Variants in REXO2 observed in about 807,000 individuals in gnomAD.
The protein encoded by REXO2 is RNA exonuclease 2, also known as oligoribonuclease, mitochondrial.
In REXO2, 17 loss-of-function variants were observed where a neutral mutation model predicts 30.9. That is an observed-to-expected ratio of 0.55 (90% CI 0.38 to 0.82). REXO2 has a LOEUF of 0.82. Ranked by LOEUF, REXO2 falls within the 40% of genes least tolerant of loss-of-function variation. The probability of loss-of-function intolerance (pLI) is 0.00; values close to 1 mark genes in which losing one functional copy is unlikely to be tolerated. For synonymous variants in REXO2, 105 were observed against 99.6 expected, an observed-to-expected ratio of 1.05 and a Z score of -0.32; for missense variants, 253 against 293.2, an observed-to-expected ratio of 0.86 and a Z score of 1.00.
At chr11:114,441,796 C>T (rs1946480146) in intron 2 of REXO2, 1 of 701,876 alleles carries the variant, frequency 1.4e-6, no homozygotes, top group Admixed American at 2.0e-5. Flanking sequence ...TTGTGGAGTA[C>T]CAGGCTTATC....
At position 114,439,475 on chromosome 11, in the gene REXO2, C is replaced by T; in HGVS notation, c.-54C>T. 1.9e-6 allele frequency: 3 copies of T among 1,588,366 alleles called. No individual in the cohort carries two copies. Among genetic ancestry groups the T allele is most frequent in the South Asian group, 1.1e-5 (1 of 89,426 alleles). On this transcript the variant is annotated 5_prime_UTR_variant, in exon 1 of 7. Transcript: ENST00000265881. ...GGTTTGCGACGTTTAGCGACTATTG[C>T]GCCTGCGCCAGCGCCGGCTGCGAGA...
At chr11:114,448,429 A>G (rs4938106) in intron 6 of REXO2, among the ~76,000 whole-genome samples, 12,764 of 152,194 alleles carry the variant, frequency 0.084, 663 homozygotes, top group South Asian at 0.22. Context: ...GCTGGCTTCT[A>G]AGGGTAGCAT....
chr11:114,445,924 T>C lies in REXO2; in HGVS notation c.422-55T>C, dbSNP rs1311936643. On this transcript the variant is annotated intron_variant, in intron 4 of 6. Coordinates refer to ENST00000265881, the MANE Select transcript of REXO2 (RefSeq NM_015523.4). ...CAAATACAACTTATGAATTTTGATA[T>C]CCTGTTGTATAATACTAGAAATATA... is the stretch of plus-strand genomic sequence containing the variant. The C allele has an allele frequency of 9.8e-6, 9 of 915,108 alleles. No homozygotes were observed. In the East Asian group the frequency reaches 2.2e-4, roughly 23 times the overall value. The allele number at this position is 915,108 out of a possible 1,614,324, so 56.7% of individuals were successfully genotyped here.
At chr11:114,446,423 CAT>C (rs777382497) in intron 5 of REXO2, 11 of 175,842 alleles carry the variant, frequency 6.3e-5, no homozygotes, top group South Asian at 5.4e-4. Flanking sequence ...AGTGGATCGA[CAT>C]ATGTGTAAAA....
chr11:114,445,072 T>G (rs1389021063), intron 4 of REXO2: 1 of 152,638 alleles, frequency 6.6e-6, no homozygotes, highest in African/African-American at 2.4e-5. Flanking sequence ...CATTTTCTTA[T>G]GTAATACAAT....
Position 114,444,643 on chromosome 11 carries a change from C to A in REXO2, c.412C>A (p.Pro138Thr). The change falls in exon 4 of 7, where the codon CCA (proline) becomes ACA (threonine). Residue 138 changes from proline (P) to threonine (T), a missense_variant. Transcript: ENST00000265881. ...VRQQTPPGLCPLAGNSVHEDK... is the reference protein window; with the variant it reads ...VRQQTPPGLCTLAGNSVHEDK... Reference sequence around the variant, plus strand: ...ACAGCAGACTCCTCCAGGGCTCTGTCCACTTGCAGGTAAAATCCAATCCTG... The same window carrying A: ...ACAGCAGACTCCTCCAGGGCTCTGTACACTTGCAGGTAAAATCCAATCCTG... 6.3e-7 allele frequency: 1 copy of A among 1,578,812 alleles called. No individual in the cohort carries two copies. Among genetic ancestry groups the A allele is most frequent in the Non-Finnish European group, 8.6e-7 (1 of 1,165,484 alleles).
intron 6 of REXO2, among the ~76,000 whole-genome samples, chr11:114,448,153 G>A (rs1946521117): frequency 6.6e-6 from 1 of 152,134 alleles, no homozygotes; most frequent in African/African-American, 2.4e-5. Flanking sequence ...TTCTAGTAAT[G>A]AACCGTGTTA....
chr11:114,444,385 T>G (rs777295279), intron 3 of REXO2, 156 bp from the exon 4 acceptor site: 1 of 660,540 alleles, frequency 1.5e-6, no homozygotes, highest in Non-Finnish European at 2.7e-6. Flanking sequence ...AAAAAAATGG[T>G]GCAAAGATGG....
chr11:114,441,834 C>T lies in REXO2; in HGVS notation c.231+1095C>T, dbSNP rs2298770. The T allele has an allele frequency of 8.4e-4, 581 of 695,278 alleles. 6 individuals carry two copies. In the East Asian group the frequency reaches 0.015, roughly 18 times the overall value. 43.1% of individuals were successfully genotyped at this position (695,278 alleles called of 1,614,324 possible). On this transcript the variant is annotated intron_variant, in intron 2 of 6. Transcript: ENST00000265881. ...CCCCACATATCAACTGTAGGAGAAT[C>T]ATGAGACTTTGTACTTCTCATCATA...
chr11:114,443,788 A>G, intron 2 of REXO2, 68 bp from the exon 3 acceptor site: 1 of 1,167,362 alleles, frequency 8.6e-7, no homozygotes, highest in Non-Finnish European at 1.2e-6. Context: ...AAACAGCTTA[A>G]GCTTTCCCTC....
rs776096450 is a variant in REXO2 at position 114,441,943 on chromosome 11, C to T, written c.231+1204C>T. The T allele has an allele frequency of 3.7e-5, 22 of 587,344 alleles. 1 individual carries two copies. Among genetic ancestry groups the T allele is most frequent in the Middle Eastern group, 5.3e-4 (2 of 3,758 alleles). The allele number at this position is 587,344 out of a possible 1,614,324, so 36.4% of individuals were successfully genotyped here. On this transcript the variant is annotated intron_variant, in intron 2 of 6. Coordinates refer to ENST00000265881, the MANE Select transcript of REXO2 (RefSeq NM_015523.4). ...CTGTTACTTGGGATTTATTGGAGATCAATAGTGAAGAGAAGTGTCTTTATT... is the reference window on the plus strand; with the variant it reads ...CTGTTACTTGGGATTTATTGGAGATTAATAGTGAAGAGAAGTGTCTTTATT...
rs1335183588 is a variant in REXO2, at chr11:114,449,874, A to G, written c.613A>G (p.Lys205Glu). 14 of 1,610,292 alleles carry G rather than the reference A, an allele frequency of 8.7e-6. No homozygotes were observed. Among genetic ancestry groups the G allele is most frequent in the Non-Finnish European group, 1.2e-5 (14 of 1,178,216 alleles). Reference sequence around the variant, plus strand: ...ACTTGATGACATTAGTGAAAGCATCAAAGAGCTTCAGTTTTACCGAAATAA... The same window carrying G: ...ACTTGATGACATTAGTGAAAGCATCGAAGAGCTTCAGTTTTACCGAAATAA... ...RALDDISESI[K>E]ELQFYRNNIF... is the part of the protein sequence containing the mutation. Residue 205 changes from lysine (K) to glutamate (E), a missense_variant, in exon 7 of 7, where the codon AAA becomes GAA. By Grantham distance (56) the Lys-to-Glu change is moderately conservative. Transcript: ENST00000265881.
At chr11:114,441,093 A>G (rs997219917) in intron 2 of REXO2, 1 of 173,944 alleles carries the variant, frequency 5.7e-6, no homozygotes, top group Non-Finnish European at 1.2e-5. Context: ...TATAATGCTC[A>G]TTTGATGGAT....
At chr11:114,440,054 G>A in intron 1 of REXO2, 1 of 477,848 alleles carries the variant, frequency 2.1e-6, no homozygotes, top group Non-Finnish European at 4.1e-6. Context: ...TAGGTTGTTA[G>A]GGCCAGACGG....
At chr11:114,449,606 G>C (rs866736866) in intron 6 of REXO2, among the ~76,000 whole-genome samples, 15 of 151,852 alleles carry the variant, frequency 9.9e-5, no homozygotes, top group Admixed American at 3.3e-4. Context: ...CCATCTTTTG[G>C]AACAATTTGG....
intron 5 of REXO2, chr11:114,446,432 A>G (rs1946510234): frequency 5.9e-6 from 1 of 169,432 alleles, no homozygotes. Context: ...ACATATGTGT[A>G]AAAAAACGCA....
At chr11:114,442,805 C>T (rs1946487494) in intron 2 of REXO2, among the ~76,000 whole-genome samples, 1 of 152,146 alleles carries the variant, frequency 6.6e-6, no homozygotes, top group African/African-American at 2.4e-5. Flanking sequence ...GAGACTCATA[C>T]TTGGATGTTC....
intron 4 of REXO2, 141 bp downstream of exon 4, chr11:114,444,793 A>G: frequency 2.2e-6 from 1 of 447,882 alleles, no homozygotes; most frequent in Middle Eastern, 5.3e-4. Flanking sequence ...TTTTCTGTTC[A>G]AGTTTCTCTG....
intron 5 of REXO2, 59 bp from the exon 6 acceptor site, chr11:114,447,767 T>G: frequency 7.2e-7 from 1 of 1,391,904 alleles, no homozygotes; most frequent in South Asian, 1.2e-5. Context: ...TTGAAGGAGG[T>G]AATTGTTCAG....
Sources: gnomAD v4.1 joint callset for allele counts (sites outside exome capture counted in the v4.1 genomes callset) on GRCh38, gnomAD v4.1.1 for gene constraint, MANE v1.5 for transcripts, NCBI Gene and HGNC (gene_info 2026-07-23, HGNC 2026-07-21) for gene names.